Variants in GSG1L observed in about 807,000 individuals in gnomAD.
GSG1L encodes the protein germ cell-specific gene 1-like protein.
GSG1L carries 24 observed loss-of-function variants against 42.1 expected under a neutral mutation model. The observed-to-expected ratio is 0.57, with a 90% CI of 0.41 to 0.80. The LOEUF is 0.80. Among genes scored for constraint, GSG1L ranks in the 30% least tolerant of loss-of-function variants. The pLI, the probability that GSG1L is intolerant of heterozygous loss-of-function variation, is 0.00. For synonymous variants in GSG1L, 215 were observed against 203.5 expected (o/e 1.06, Z -0.48); for missense variants, 445 against 472.2 (o/e 0.94, Z 0.53).
intron 6 of GSG1L, among the ~76,000 whole-genome samples, chr16:27,797,291 G>A (rs949235388): frequency 6.6e-6 from 1 of 152,144 alleles, no homozygotes; most frequent in Non-Finnish European, 1.5e-5. Context: ...GGGAGGCTGA[G>A]GCAGGTGGAT....
intron 4 of GSG1L, among the ~76,000 whole-genome samples, chr16:27,841,752 G>A (rs1296910130): frequency 6.6e-6 from 1 of 152,140 alleles, no homozygotes; most frequent in Non-Finnish European, 1.5e-5. Flanking sequence ...AGTCCAGTGG[G>A]AATTCGGTGC....
At chr16:27,905,339 T>TA (rs200080126) in intron 2 of GSG1L, among the ~76,000 whole-genome samples, 2 of 148,756 alleles carry the variant, frequency 1.3e-5, no homozygotes, top group South Asian at 4.2e-4. Context: ...TTTTTTTTTT[T>TA]AAAGCGACAG....
chr16:27,946,648 AAAGAAAGAAAAGAAAG>A (rs1272267352), intron 2 of GSG1L, among the ~76,000 whole-genome samples: 2 of 15,986 alleles, frequency 1.3e-4, no homozygotes, highest in Non-Finnish European at 2.3e-4. Context: ...AGAAAGAAAG[AAAGAAAGAAAAGAAAG>A]AAAGAAAGAA....
chr16:28,062,792 C>T (rs959312358), intron 1 of GSG1L, among the ~76,000 whole-genome samples: 4 of 152,110 alleles, frequency 2.6e-5, no homozygotes, highest in African/African-American at 9.6e-5. Flanking sequence ...GGCGCCTTCC[C>T]GGGGCGCGGG....
At chr16:27,822,647 A>G (rs772857) in intron 5 of GSG1L, among the ~76,000 whole-genome samples, 94,017 of 151,884 alleles carry the variant, frequency 0.62, 30,178 homozygotes, top group African/African-American at 0.79. Flanking sequence ...TCGAGCTCCT[A>G]GACTTAAGTG....
chr16:27,819,436 C>T (rs775069843), intron 5 of GSG1L, among the ~76,000 whole-genome samples: 4 of 152,106 alleles, frequency 2.6e-5, no homozygotes, highest in African/African-American at 4.8e-5. Context: ...CCATAAAGGC[C>T]GTACCGACAG....
intron 1 of GSG1L, among the ~76,000 whole-genome samples, chr16:28,056,461 G>T (rs571085026): frequency 8.9e-6 from 1 of 112,508 alleles, no homozygotes; most frequent in African/African-American, 3.4e-5. Context: ...TCACACCGGG[G>T]CCTGCTGTTG....
rs2083429304 is a variant in GSG1L at position 27,845,160 on chromosome 16, T to G, written c.551-99A>C. The G allele has an allele frequency of 1.2e-5, 9 of 772,846 alleles. No homozygotes were observed. In the South Asian group the frequency reaches 1.5e-4, roughly 13 times the overall value. The allele number at this position is 772,846 out of a possible 1,614,324, so 47.9% of individuals were successfully genotyped here. A position where few individuals can be genotyped will look rare whatever the true frequency, so the allele number is the denominator to read the frequency against. On this transcript the variant is annotated intron_variant, in intron 3 of 6. Coordinates refer to ENST00000447459, the MANE Select transcript of GSG1L (RefSeq NM_001109763.2). ...TGCTGCCTGCCTGCCTGTCTGCCTG[T>G]GATCACTGTGGAGAACAGGGACCTC...
At chr16:28,012,258 A>G (rs753683749) in intron 1 of GSG1L, among the ~76,000 whole-genome samples, 22 of 151,396 alleles carry the variant, frequency 1.5e-4, no homozygotes, top group Non-Finnish European at 3.1e-4. Flanking sequence ...CCCCTTAAAC[A>G]CAGCCTATTA....
At chr16:27,894,587 T>C (rs557946353) in intron 2 of GSG1L, among the ~76,000 whole-genome samples, 14 of 152,290 alleles carry the variant, frequency 9.2e-5, no homozygotes, top group Non-Finnish European at 1.5e-4. Flanking sequence ...ATCATGTAGA[T>C]GATGTGGACT....
intron 2 of GSG1L, among the ~76,000 whole-genome samples, chr16:27,921,762 C>T (rs2084527235): frequency 3.3e-5 from 5 of 152,158 alleles, no homozygotes; most frequent in Admixed American, 3.3e-4. Context: ...TTTCCAGGCT[C>T]TTGTTTTAGT....
At chr16:27,935,862 T>C (rs2084710188) in intron 2 of GSG1L, among the ~76,000 whole-genome samples, 1 of 145,414 alleles carries the variant, frequency 6.9e-6, no homozygotes, top group Non-Finnish European at 1.5e-5. Context: ...TCCTCCCATC[T>C]AGAATGCCTT....
intron 1 of GSG1L, among the ~76,000 whole-genome samples, chr16:27,974,272 C>A (rs1051916099): frequency 1.3e-5 from 2 of 152,164 alleles, no homozygotes; most frequent in Admixed American, 6.5e-5. Flanking sequence ...CAAAGAAAAA[C>A]GTCACGGGAA....
chr16:27,922,931 G>C (rs1249392769), intron 2 of GSG1L, among the ~76,000 whole-genome samples: 3 of 152,100 alleles, frequency 2.0e-5, no homozygotes, highest in Admixed American at 6.5e-5. Context: ...AGGACCACAG[G>C]CACCCGCCAC....
chr16:27,839,684 G>A (rs1434219673), intron 4 of GSG1L, among the ~76,000 whole-genome samples: 1 of 152,234 alleles, frequency 6.6e-6, no homozygotes, highest in Non-Finnish European at 1.5e-5. Flanking sequence ...CTTATCTCCA[G>A]GCTGCCTGGT....
Position 27,981,044 on chromosome 16 carries a change from A to T in GSG1L, c.350-17841T>A, listed in dbSNP as rs947857412. Among the ~76,000 whole-genome samples, 33 of 152,166 alleles carry T rather than the reference A, an allele frequency of 2.2e-4. 1 individual carries two copies. The highest frequency in any genetic ancestry group is 2.9e-5 in the Non-Finnish European group (2 of 68,034). ...TTGGCACAGAGCCTTTGATTTGGTC[A>T]TTCCTCTGTACTACATCTTAGCAGA... On this transcript the variant is annotated intron_variant, in intron 1 of 6. Transcript: ENST00000447459.
At position 27,853,331 on chromosome 16, in the gene GSG1L, T is replaced by TA. The variant is rs1555504143; in HGVS notation, c.551-8271dup. Among the ~76,000 whole-genome samples the TA allele has an allele frequency of 1.6e-4, 25 of 152,310 alleles. No homozygotes were observed. In the East Asian group the frequency reaches 4.8e-3, roughly 29 times the overall value. ...TTTAAAACTTGCCCAGACCTATTTTTAAAGAACAAGCTATTTTTAGACACC... is the reference window on the plus strand; with the variant it reads ...TTTAAAACTTGCCCAGACCTATTTTTAAAAGAACAAGCTATTTTTAGACACC... On this transcript the variant is annotated intron_variant, in intron 3 of 6. Coordinates refer to ENST00000447459, the MANE Select transcript of GSG1L (RefSeq NM_001109763.2).
chr16:27,935,168 G>A (rs967623781), intron 2 of GSG1L, among the ~76,000 whole-genome samples: 16 of 152,128 alleles, frequency 1.1e-4, no homozygotes, highest in Admixed American at 2.6e-4. Flanking sequence ...GGGGAGCAGC[G>A]TCAAAAACAG....
At chr16:27,985,046 T>C (rs953395) in intron 1 of GSG1L, among the ~76,000 whole-genome samples, 113,819 of 152,064 alleles carry the variant, frequency 0.75, 42,822 homozygotes, top group South Asian at 0.9. Context: ...GGATGAGCCC[T>C]CATGCCTGGT....
Sources: gnomAD v4.1 joint callset for allele counts (sites outside exome capture counted in the v4.1 genomes callset) on GRCh38, gnomAD v4.1.1 for gene constraint, MANE v1.5 for transcripts, NCBI Gene and HGNC (gene_info 2026-07-23, HGNC 2026-07-21) for gene names.